SLC30A7: variants seen among roughly 807,000 people sequenced by gnomAD.
SLC30A7 encodes the protein solute carrier family 30 member 7.
A neutral mutation model predicts 46.0 loss-of-function variants in SLC30A7; 35 were observed. The ratio of observed to expected loss-of-function variants is 0.76; its 90% confidence interval spans 0.58 to 1.01. SLC30A7 has a LOEUF of 1.01. Among genes scored for constraint, SLC30A7 ranks in the 50% least tolerant of loss-of-function variants. The pLI, the probability that SLC30A7 is intolerant of heterozygous loss-of-function variation, is 0.00. For missense variants in SLC30A7, 464 were observed against 451.1 expected (o/e 1.03, Z -0.26); for synonymous variants, 147 against 157.8 (o/e 0.93, Z 0.51).
At chr1:100,990,631 G>A in the SLC30A7 span, 1 of 1,610,828 alleles carries the variant, frequency 6.2e-7, no homozygotes, top group Non-Finnish European at 8.5e-7. Flanking sequence ...CTCGGTAACT[G>A]CTATTAAAAA....
intron 7 of SLC30A7, among the ~76,000 whole-genome samples, chr1:100,921,081 A>G (rs2101031489): frequency 6.6e-6 from 1 of 152,252 alleles, no homozygotes; most frequent in Admixed American, 6.5e-5. Context: ...CTACCAATTT[A>G]ATATTTAATT....
chr1:100,907,865 C>A (rs975001202), intron 3 of SLC30A7, among the ~76,000 whole-genome samples: 3 of 152,002 alleles, frequency 2.0e-5, no homozygotes, highest in Admixed American at 6.6e-5. Flanking sequence ...GTCTTTGCTT[C>A]TTGTCGCTTG....
At chr1:100,964,197 CATCA>C (rs1378491932) in intron 9 of SLC30A7, among the ~76,000 whole-genome samples, 2 of 118,038 alleles carry the variant, frequency 1.7e-5, no homozygotes, top group African/African-American at 3.9e-5. Context: ...TTTAAGGTAG[CATCA>C]ATCAGCATAA....
chr1:100,923,136 C>T lies in SLC30A7; in HGVS notation c.842+1295C>T, dbSNP rs1016207140. ...GGTTCACGCCATTCTCCTGCCTCAGCCTCCCGAGTAGCTGGGACTACAGGC... is the reference window on the plus strand; with the variant it reads ...GGTTCACGCCATTCTCCTGCCTCAGTCTCCCGAGTAGCTGGGACTACAGGC... On this transcript the variant is annotated intron_variant, in intron 8 of 10. Transcript: ENST00000357650. Among the ~76,000 whole-genome samples the T allele has an allele frequency of 9.6e-5, 13 of 135,148 alleles. 2 individuals are homozygous for T. The highest frequency in any genetic ancestry group is 3.6e-4 in the African/African-American group (13 of 35,642). 88.7% of individuals were successfully genotyped at this position (135,148 alleles called of 152,430 possible). A position where few individuals can be genotyped will look rare whatever the true frequency, so the allele number is the denominator to read the frequency against.
chr1:100,973,032 A>G (rs1656243989), intron 10 of SLC30A7, among the ~76,000 whole-genome samples: 1 of 151,762 alleles, frequency 6.6e-6, no homozygotes, highest in African/African-American at 2.4e-5. Context: ...TTAAATTTGA[A>G]TAACAGAGGC....
In SLC30A7 at chr1:100,931,633, A is replaced by G. The variant is rs1197972744; in HGVS notation, c.842+9792A>G. 2.0e-5 allele frequency among the ~76,000 whole-genome samples: 3 copies of G among 152,174 alleles called. No individual in the cohort carries two copies. In the East Asian group the frequency reaches 5.8e-4, roughly 29 times the overall value. ...ATTAAAATATTCACTGTAAAACCTA[A>G]CTGCTTTTTGCATTGTTTCTTGTGG... On this transcript the variant is annotated intron_variant, in intron 8 of 10. Coordinates refer to ENST00000357650, the MANE Select transcript of SLC30A7 (RefSeq NM_133496.5).
intron 6 of SLC30A7, among the ~76,000 whole-genome samples, chr1:100,915,119 TTTTTC>T (rs532424641): frequency 9.4e-5 from 8 of 84,718 alleles, no homozygotes; most frequent in South Asian, 6.0e-4. Context: ...TTTCTTTTCT[TTTTTC>T]TTTTCTTTTC....
chr1:100,914,899 T>C (rs1652379066), intron 6 of SLC30A7, among the ~76,000 whole-genome samples: 1 of 151,896 alleles, frequency 6.6e-6, no homozygotes, highest in Non-Finnish European at 1.5e-5. Context: ...GCTACTGCAC[T>C]CCAGCCTGGA....
At chr1:100,963,658 A>G (rs759826821) in intron 9 of SLC30A7, among the ~76,000 whole-genome samples, 32 of 152,210 alleles carry the variant, frequency 2.1e-4, no homozygotes, top group Non-Finnish European at 4.3e-4. Flanking sequence ...ACTTTCCCCA[A>G]TAATGGAAAT....
chr1:100,946,197 G>A (rs1654624061), intron 8 of SLC30A7, among the ~76,000 whole-genome samples: 1 of 141,266 alleles, frequency 7.1e-6, no homozygotes, highest in African/African-American at 3.2e-5. Context: ...TGAGATGATG[G>A]GAGTTTTCTA....
chr1:100,964,358 A>G lies in SLC30A7; in HGVS notation c.934-1411A>G, dbSNP rs557694334. Among the ~76,000 whole-genome samples, 6 of 105,232 alleles carry G rather than the reference A, an allele frequency of 5.7e-5. No homozygotes were observed. The East Asian group carries it at 1.4e-3, about 25-fold the overall frequency. 69.0% of individuals were successfully genotyped at this position (105,232 alleles called of 152,430 possible). On this transcript the variant is annotated intron_variant, in intron 9 of 10. Coordinates refer to ENST00000357650, the MANE Select transcript of SLC30A7 (RefSeq NM_133496.5). ...ATATATGTTATATATACATATACAT[A>G]TGTATATGTATATATAACATATGTT...
chr1:100,990,204 A>C, the SLC30A7 span: 1 of 563,386 alleles, frequency 1.8e-6, no homozygotes, highest in Non-Finnish European at 3.1e-6. Flanking sequence ...AATGCCAGGC[A>C]CTTATAAAAC....
intron 6 of SLC30A7, 42 bp from the exon 7 acceptor site, chr1:100,918,035 A>G (rs1017997879): frequency 3.9e-6 from 6 of 1,532,212 alleles, no homozygotes; most frequent in Non-Finnish European, 5.4e-6. Flanking sequence ...AACTTGAATG[A>G]GGAATTGAAA....
the SLC30A7 span, among the ~76,000 whole-genome samples, chr1:100,989,404 G>A: frequency 6.6e-6 from 1 of 152,178 alleles, no homozygotes; most frequent in South Asian, 2.1e-4. Context: ...ATACAGCAGA[G>A]TATGAGCCAC....
At chr1:100,960,248 A>G (rs1655464241) in intron 8 of SLC30A7, among the ~76,000 whole-genome samples, 1 of 151,968 alleles carries the variant, frequency 6.6e-6, no homozygotes, top group Non-Finnish European at 1.5e-5. Flanking sequence ...TATTTGCTTA[A>G]TTTTCCTATT....
At chr1:100,951,976 A>G (rs1294391938) in intron 8 of SLC30A7, among the ~76,000 whole-genome samples, 1 of 152,236 alleles carries the variant, frequency 6.6e-6, no homozygotes, top group Admixed American at 6.5e-5. Flanking sequence ...AGTGGAAGGC[A>G]GAAGAGTCAG....
intron 8 of SLC30A7, among the ~76,000 whole-genome samples, chr1:100,954,389 TTG>T (rs755652965): frequency 2.0e-5 from 3 of 152,134 alleles, no homozygotes; most frequent in Non-Finnish European, 4.4e-5. Context: ...CTTAAGGTTG[TTG>T]TGAGGATTAA....
At chr1:100,907,224 A>C (rs2101010252) in intron 3 of SLC30A7, among the ~76,000 whole-genome samples, 1 of 152,316 alleles carries the variant, frequency 6.6e-6, no homozygotes, top group Non-Finnish European at 1.5e-5. Flanking sequence ...GGAATTTCTC[A>C]ACTTTTTTTT....
rs192294462 is a variant in SLC30A7 at position 100,981,122 on chromosome 1, G to A, written c.*6265G>A. The A allele has an allele frequency of 1.3e-5, 2 of 151,776 alleles. No homozygotes were observed. The highest frequency in any genetic ancestry group is 2.4e-5 in the African/African-American group (1 of 41,410). The allele number at this position is 151,776 out of a possible 1,614,324, so 9.4% of individuals were successfully genotyped here. ...TATAGAACTTCTACTTTATACTAGC[G>A]GGGAAAATTTTTTTATTTAGAATTT... is the stretch of plus-strand genomic sequence containing the variant. On this transcript the variant is annotated 3_prime_UTR_variant, in exon 11 of 11. Coordinates refer to ENST00000357650, the MANE Select transcript of SLC30A7 (RefSeq NM_133496.5).
Sources: gnomAD v4.1 joint callset for allele counts (sites outside exome capture counted in the v4.1 genomes callset) on GRCh38, gnomAD v4.1.1 for gene constraint, MANE v1.5 for transcripts, NCBI Gene and HGNC (gene_info 2026-07-23, HGNC 2026-07-21) for gene names.